ESD: variants seen among roughly 807,000 people sequenced by gnomAD.
ESD encodes the protein esterase D.
Under a neutral mutation model 38.1 loss-of-function variants are expected in ESD, and 34 were observed. That is an observed-to-expected ratio of 0.89 (90% CI 0.68 to 1.19). The LOEUF is 1.19. ESD is among the 50% of genes most tolerant of loss of function. The pLI, the probability that ESD is intolerant of heterozygous loss-of-function variation, is 0.00. For synonymous variants in ESD, 97 were observed against 107.0 expected, an observed-to-expected ratio of 0.91 and a Z score of 0.58; for missense variants, 334 against 327.2, an observed-to-expected ratio of 1.02 and a Z score of -0.16.
chr13:46,781,538 A>G lies in ESD; in HGVS notation c.459T>C (p.His153=), dbSNP rs549690200. The G allele has an allele frequency of 6.2e-7, 1 of 1,608,736 alleles. No homozygotes were observed. The highest frequency in any genetic ancestry group is 2.2e-5 in the East Asian group (1 of 44,734). ...MSIFGHSMGG[H]GALICALKNP... ...TTTTCAAAGCACAGATCAGAGCTCC[A>G]TGACCTCCCATGGAGTGGCCAAAAA... The change falls in exon 7 of 10, where the codon CAT becomes CAC. Residue 153 remains histidine, a synonymous_variant. Coordinates refer to ENST00000378720, the MANE Select transcript of ESD (RefSeq NM_001984.2).
intron 6 of ESD, among the ~76,000 whole-genome samples, chr13:46,782,199 AC>A: frequency 6.6e-6 from 1 of 151,946 alleles, no homozygotes; most frequent in South Asian, 2.1e-4. Flanking sequence ...TGGGGGGGTA[AC>A]AGAATTATGG....
chr13:46,789,786 T>C (rs1462036980), intron 3 of ESD, among the ~76,000 whole-genome samples: 4 of 151,922 alleles, frequency 2.6e-5, no homozygotes. Flanking sequence ...AAAATTTAAA[T>C]GTCTAGGCTT....
intron 5 of ESD, 70 bp downstream of exon 5, chr13:46,784,182 A>T (rs1566280884): frequency 3.3e-6 from 4 of 1,222,322 alleles, no homozygotes; most frequent in Non-Finnish European, 4.7e-6. Context: ...TAATGTATAT[A>T]TCATACCACT....
chr13:46,775,774 A>G, intron 9 of ESD: 1 of 438,728 alleles, frequency 2.3e-6, no homozygotes, highest in Non-Finnish European at 4.7e-6. Context: ...ACTTTTTTAG[A>G]AGAATTGAAT....
chr13:46,780,088 A>T, intron 7 of ESD, 55 bp from the exon 8 acceptor site: 1 of 1,198,234 alleles, frequency 8.3e-7, no homozygotes, highest in Non-Finnish European at 1.2e-6. Context: ...ATTAAATATG[A>T]ATAGATATTT....
intron 8 of ESD, 141 bp downstream of exon 8, chr13:46,779,794 A>G (rs573791348): frequency 4.8e-6 from 1 of 206,830 alleles, no homozygotes; most frequent in East Asian, 1.4e-4. Flanking sequence ...TGATATATAT[A>G]TCGATATATA....
chr13:46,772,321 G>C (rs1874634962), intron 9 of ESD, among the ~76,000 whole-genome samples: 1 of 151,646 alleles, frequency 6.6e-6, no homozygotes. Context: ...CATTGTTGTA[G>C]GTAAATGGAG....
chr13:46,797,428 C>T (rs965629743), upstream of ESD, among the ~76,000 whole-genome samples: 1 of 152,274 alleles, frequency 6.6e-6, no homozygotes, highest in Non-Finnish European at 1.5e-5. Flanking sequence ...GATCAGTCTG[C>T]TGTGCGTGCT....
intron 6 of ESD, among the ~76,000 whole-genome samples, chr13:46,781,841 A>T (rs778556760): frequency 2.6e-5 from 4 of 151,832 alleles, no homozygotes; most frequent in Admixed American, 1.3e-4. Flanking sequence ...ACACTTTAGG[A>T]AGGTGATGCA....
intron 6 of ESD, 139 bp from the exon 7 acceptor site, chr13:46,781,754 A>G: frequency 1.4e-6 from 1 of 718,028 alleles, no homozygotes; most frequent in Non-Finnish European, 2.3e-6. Flanking sequence ...AATGAAAACA[A>G]AACAAAACTA....
intron 1 of ESD, among the ~76,000 whole-genome samples, chr13:46,795,812 G>A (rs966655575): frequency 3.3e-5 from 5 of 151,170 alleles, no homozygotes; most frequent in African/African-American, 4.9e-5. Flanking sequence ...GAGTGCAGTG[G>A]CCTGATCTCG....
intron 3 of ESD, 85 bp from the exon 4 acceptor site, chr13:46,787,194 G>C: frequency 1.5e-6 from 1 of 688,336 alleles, no homozygotes. Flanking sequence ...TATATAAAAA[G>C]TAAGATATAT....
At chr13:46,786,934 C>T in intron 4 of ESD, 87 bp downstream of exon 4, 1 of 748,258 alleles carries the variant, frequency 1.3e-6, no homozygotes, top group Non-Finnish European at 1.9e-6. Context: ...GCTCAAAAAG[C>T]CTACCAAGTT....
chr13:46,786,910 G>A, intron 4 of ESD, 111 bp downstream of exon 4: 1 of 518,900 alleles, frequency 1.9e-6, no homozygotes, highest in Non-Finnish European at 3.2e-6. Flanking sequence ...GGTCCTTAAA[G>A]TCTTTCATAA....
chr13:46,782,645 A>C, intron 6 of ESD, 22 bp downstream of exon 6: 1 of 1,607,774 alleles, frequency 6.2e-7, no homozygotes, highest in Non-Finnish European at 8.5e-7. Flanking sequence ...TCAATTAATA[A>C]TTACAATACA....
intron 1 of ESD, among the ~76,000 whole-genome samples, chr13:46,796,476 C>G (rs2138310885): frequency 6.6e-6 from 1 of 152,362 alleles, no homozygotes. Context: ...CCCTCTCCTT[C>G]CAGGTGCGCT....
rs185170811 is a variant in ESD, at chr13:46,777,149, T to C, written c.768+307A>G. The C allele has an allele frequency of 1.2e-4, 22 of 181,436 alleles. No individual in the cohort carries two copies. In the East Asian group the frequency reaches 2.8e-3, roughly 23 times the overall value. 11.2% of individuals were successfully genotyped at this position (181,436 alleles called of 1,614,324 possible). On this transcript the variant is annotated intron_variant, in intron 9 of 9. Coordinates refer to ENST00000378720, the MANE Select transcript of ESD (RefSeq NM_001984.2). ...TTTATTCTACTGCAGCAAAGGTCCA[T>C]GTGTAAAGAAAGAAGTATCTGCTAA...
At chr13:46,797,297 C>G (rs1875628891), upstream of ESD, 1 of 153,046 alleles carries the variant, frequency 6.5e-6, no homozygotes, top group African/African-American at 2.4e-5. Flanking sequence ...GCACATTGCA[C>G]TTCCCGGCAG....
At chr13:46,793,126 A>G (rs1875454082) in intron 2 of ESD, among the ~76,000 whole-genome samples, 1 of 152,118 alleles carries the variant, frequency 6.6e-6, no homozygotes. Flanking sequence ...TAAAAAACAA[A>G]GCTTTTAAAG....
Sources: allele counts gnomAD v4.1 joint callset (sites outside exome capture counted in the v4.1 genomes callset), GRCh38; gene constraint gnomAD v4.1.1; transcripts MANE v1.5; gene names NCBI Gene and HGNC (gene_info 2026-07-23, HGNC 2026-07-21).